LYRM4: variants seen among roughly 807,000 people sequenced by gnomAD.
LYRM4 encodes the protein LYR motif containing 4, also known as LYR motif-containing protein 4.
Under a neutral mutation model 11.7 loss-of-function variants are expected in LYRM4, and 9 were observed. The observed-to-expected ratio is 0.77, with a 90% CI of 0.46 to 1.34. The LOEUF (loss-of-function observed/expected upper bound fraction) is 1.34. Among genes scored for constraint, LYRM4 ranks in the 40% most tolerant of loss-of-function variants. The pLI, the probability that LYRM4 is intolerant of heterozygous loss-of-function variation, is 0.00. For missense variants in LYRM4, 133 were observed against 112.5 expected, an observed-to-expected ratio of 1.18 and a Z score of -0.82; for synonymous variants, 42 against 40.4, an observed-to-expected ratio of 1.04 and a Z score of -0.15.
At chr6:5,093,017 C>A in the LYRM4 span, among the ~76,000 whole-genome samples, 1 of 152,168 alleles carries the variant, frequency 6.6e-6, no homozygotes, top group African/African-American at 2.4e-5. Context: ...TATTAAATTG[C>A]AGACAAGTGT....
chr6:5,116,510 T>G (rs1763124461), intron 2 of LYRM4, among the ~76,000 whole-genome samples: 1 of 152,194 alleles, frequency 6.6e-6, no homozygotes, highest in Non-Finnish European at 1.5e-5. Flanking sequence ...TAGCCGGGAT[T>G]GCTGCCGTGG....
intron 2 of LYRM4, among the ~76,000 whole-genome samples, chr6:5,148,478 G>T (rs1757885063): frequency 6.8e-6 from 1 of 146,260 alleles, no homozygotes; most frequent in Admixed American, 7.0e-5. Context: ...GGCTGAGGGG[G>T]CAGAGTTAGA....
At chr6:5,111,285 G>C (rs444565) in intron 2 of LYRM4, among the ~76,000 whole-genome samples, 109,996 of 152,140 alleles carry the variant, frequency 0.72, 40,131 homozygotes, top group East Asian at 0.93. Context: ...TATAACAGCT[G>C]GGATGGTTCA....
At chr6:5,032,242 G>C in the LYRM4 span, 1 of 152,176 alleles carries the variant, frequency 6.6e-6, no homozygotes, top group Non-Finnish European at 1.5e-5. Flanking sequence ...CGTAATAAGG[G>C]ATAAGCGGTT....
the LYRM4 span, among the ~76,000 whole-genome samples, chr6:5,057,377 G>T: frequency 6.6e-6 from 1 of 152,124 alleles, no homozygotes; most frequent in Non-Finnish European, 1.5e-5. Context: ...GGACAAAAGA[G>T]ACCAGGACGG....
At chr6:5,071,124 G>A in the LYRM4 span, among the ~76,000 whole-genome samples, 1 of 151,620 alleles carries the variant, frequency 6.6e-6, no homozygotes, top group African/African-American at 2.4e-5. Context: ...GGGAGGCAGA[G>A]GTTGCAGTGA....
the LYRM4 span, among the ~76,000 whole-genome samples, chr6:5,046,067 C>T: frequency 6.6e-6 from 1 of 152,116 alleles, no homozygotes; most frequent in East Asian, 1.9e-4. Flanking sequence ...AAGAAGTCTC[C>T]AGTGTAGGTT....
intron 2 of LYRM4, among the ~76,000 whole-genome samples, chr6:5,188,933 A>AT (rs1013999848): frequency 6.6e-6 from 1 of 151,790 alleles, no homozygotes; most frequent in African/African-American, 2.4e-5. Context: ...TAATTTTTAT[A>AT]TTTTTTTGTA....
At chr6:5,207,179 C>A (rs192240843) in intron 2 of LYRM4, among the ~76,000 whole-genome samples, 2 of 152,132 alleles carry the variant, frequency 1.3e-5, no homozygotes, top group African/African-American at 4.8e-5. Flanking sequence ...AAAGCCACGC[C>A]GTTTTTTAGA....
intron 1 of LYRM4, among the ~76,000 whole-genome samples, chr6:5,228,921 G>A (rs941661500): frequency 4.7e-5 from 7 of 148,684 alleles, no homozygotes; most frequent in Non-Finnish European, 8.9e-5. Context: ...GGAGAATGGC[G>A]TGAACCCGGG....
chr6:5,053,534 G>C, the LYRM4 span, among the ~76,000 whole-genome samples: 2 of 151,974 alleles, frequency 1.3e-5, no homozygotes, highest in Non-Finnish European at 2.9e-5. Flanking sequence ...GGCTGAGGCA[G>C]GAGGATCACT....
chr6:5,170,822 C>G (rs1226901370), intron 2 of LYRM4, among the ~76,000 whole-genome samples: 1 of 152,124 alleles, frequency 6.6e-6, no homozygotes, highest in Non-Finnish European at 1.5e-5. Flanking sequence ...TCCTAGTGAA[C>G]AAAGATATAG....
chr6:5,101,968 C>CTTTTTTTT (rs397826404), downstream of LYRM4, among the ~76,000 whole-genome samples: 142 of 67,974 alleles, frequency 2.1e-3, 13 homozygotes, highest in Middle Eastern at 7.9e-3. Context: ...CTAATGCTTT[C>CTTTTTTTT]TTTTTTTTTT....
intron 2 of LYRM4, among the ~76,000 whole-genome samples, chr6:5,189,937 G>A (rs544044412): frequency 5.9e-5 from 9 of 152,198 alleles, no homozygotes; most frequent in Non-Finnish European, 1.3e-4. Context: ...GGCTGATACT[G>A]TTGTCTCCAT....
chr6:5,154,943 G>T (rs1453822168), intron 2 of LYRM4, among the ~76,000 whole-genome samples: 1 of 152,220 alleles, frequency 6.6e-6, no homozygotes, highest in East Asian at 1.9e-4. Context: ...CCCAGGCCTG[G>T]GACTTTTAAT....
intron 1 of LYRM4, among the ~76,000 whole-genome samples, chr6:5,236,947 C>A (rs1458579518): frequency 6.6e-6 from 1 of 152,048 alleles, no homozygotes; most frequent in Non-Finnish European, 1.5e-5. Context: ...ACAGTGAGAC[C>A]CTGTCTCTTA....
intron 2 of LYRM4, among the ~76,000 whole-genome samples, chr6:5,202,439 C>G (rs1219390754): frequency 1.3e-5 from 2 of 152,168 alleles, no homozygotes; most frequent in Non-Finnish European, 1.5e-5. Context: ...TTCCCAATGT[C>G]CAACCTCCTT....
At chr6:5,166,717 A>G (rs1397750804) in intron 2 of LYRM4, among the ~76,000 whole-genome samples, 6 of 152,228 alleles carry the variant, frequency 3.9e-5, no homozygotes, top group South Asian at 2.1e-4. Context: ...GAGGAAAGTG[A>G]TAAGTTGCTT....
downstream of LYRM4, among the ~76,000 whole-genome samples, chr6:5,101,990 G>GTTTTTT (rs1762519776): frequency 1.9e-4 from 6 of 31,950 alleles, no homozygotes; most frequent in Non-Finnish European, 4.2e-4. Context: ...TTTTTGGAGA[G>GTTTTTT]TTATGTTGCC....
Sources: allele counts gnomAD v4.1 joint callset (sites outside exome capture counted in the v4.1 genomes callset), GRCh38; gene constraint gnomAD v4.1.1; transcripts MANE v1.5; gene names NCBI Gene and HGNC (gene_info 2026-07-23, HGNC 2026-07-21).